Variants in PDSS2 observed in about 807,000 individuals in gnomAD.
The protein encoded by PDSS2 is all trans-polyprenyl-diphosphate synthase PDSS2.
In PDSS2, 31 loss-of-function variants were observed where a neutral mutation model predicts 44.5. That is an observed-to-expected ratio of 0.70 (90% confidence interval 0.52 to 0.94). The LOEUF (loss-of-function observed/expected upper bound fraction) is 0.94. Among genes scored for constraint, PDSS2 ranks in the 40% least tolerant of loss-of-function variants. The probability of loss-of-function intolerance (pLI) is 0.00; values close to 1 mark genes in which losing one functional copy is unlikely to be tolerated. For missense variants in PDSS2, 452 were observed against 482.2 expected, an observed-to-expected ratio of 0.94 and a Z score of 0.59; for synonymous variants, 157 against 180.3, an observed-to-expected ratio of 0.87 and a Z score of 1.03.
intron 3 of PDSS2, among the ~76,000 whole-genome samples, chr6:107,259,629 C>T (rs560741377): frequency 9.3e-4 from 140 of 151,214 alleles, no homozygotes; most frequent in Non-Finnish European, 1.6e-3. Context: ...GAGCTGAGAT[C>T]GCACCACTGC....
chr6:107,207,825 G>A (rs1452316433), intron 6 of PDSS2, among the ~76,000 whole-genome samples: 1 of 151,398 alleles, frequency 6.6e-6, no homozygotes, highest in Non-Finnish European at 1.5e-5. Flanking sequence ...GGCCAGGCTG[G>A]TCTCAAACTC....
At chr6:107,246,838 A>G (rs897655274) in intron 3 of PDSS2, among the ~76,000 whole-genome samples, 2 of 152,206 alleles carry the variant, frequency 1.3e-5, no homozygotes, top group Non-Finnish European at 2.9e-5. Flanking sequence ...GGATGGTTTA[A>G]TTTGTAAGAC....
intron 1 of PDSS2, among the ~76,000 whole-genome samples, chr6:107,445,295 G>A (rs1201752378): frequency 6.6e-6 from 1 of 152,064 alleles, no homozygotes; most frequent in African/African-American, 2.4e-5. Context: ...GTTGATGCAT[G>A]TTGTTACCTT....
Position 107,268,154 on chromosome 6 carries a change from T to G in PDSS2, c.630+5875A>C, listed in dbSNP as rs566706696. ...ATCCATGATGACCTACAATAAAAAT[T>G]ACATTTTCTAGCTTCCCTTACAGCT... On this transcript the variant is annotated intron_variant, in intron 3 of 7. Transcript: ENST00000369037. Among the ~76,000 whole-genome samples the G allele has an allele frequency of 7.9e-4, 120 of 152,246 alleles. 1 individual carries two copies. In the Middle Eastern group the frequency reaches 0.014, roughly 17 times the overall value.
At chr6:107,216,527 AAACGCGCAAAACTG>A (rs1441871105) in intron 4 of PDSS2, among the ~76,000 whole-genome samples, 85 of 152,276 alleles carry the variant, frequency 5.6e-4, no homozygotes, top group South Asian at 2.7e-3. Flanking sequence ...ATAAGCTTAG[AAACGCGCAAAACTG>A]AATGCGCAAA....
chr6:107,262,265 G>A (rs1027672725), intron 3 of PDSS2, among the ~76,000 whole-genome samples: 14 of 152,000 alleles, frequency 9.2e-5, no homozygotes, highest in Non-Finnish European at 1.3e-4. Context: ...TTCACAACTC[G>A]GTTAATTTCA....
chr6:107,351,243 T>A (rs1410729143), intron 1 of PDSS2, among the ~76,000 whole-genome samples: 2 of 152,216 alleles, frequency 1.3e-5, no homozygotes, highest in East Asian at 3.8e-4. Flanking sequence ...GATATTTGTA[T>A]GCCCAAATGT....
At chr6:107,269,804 T>C (rs1470199427) in intron 3 of PDSS2, among the ~76,000 whole-genome samples, 1 of 152,036 alleles carries the variant, frequency 6.6e-6, no homozygotes, top group Admixed American at 6.5e-5. Context: ...GTAGCTGGAA[T>C]CACAGGCATG....
intron 1 of PDSS2, among the ~76,000 whole-genome samples, chr6:107,368,881 A>C (rs1055267049): frequency 5.9e-5 from 9 of 152,344 alleles, no homozygotes; most frequent in Non-Finnish European, 1.3e-4. Flanking sequence ...TTGAAAACAA[A>C]GAACAAAATT....
At chr6:107,164,425 T>C (rs1477523372) in intron 7 of PDSS2, among the ~76,000 whole-genome samples, 1 of 152,192 alleles carries the variant, frequency 6.6e-6, no homozygotes, top group East Asian at 1.9e-4. Context: ...TGTTTGGTTT[T>C]TCATCCTTGT....
intron 7 of PDSS2, among the ~76,000 whole-genome samples, chr6:107,163,441 G>A (rs1349559051): frequency 2.0e-5 from 3 of 152,016 alleles, no homozygotes; most frequent in Admixed American, 6.6e-5. Flanking sequence ...CTTCATGAAA[G>A]GTATTATTCC....
chr6:107,447,726 T>C (rs1241317370), intron 1 of PDSS2, among the ~76,000 whole-genome samples: 1 of 152,200 alleles, frequency 6.6e-6, no homozygotes, highest in Non-Finnish European at 1.5e-5. Context: ...GTCTGAAGGA[T>C]GTTTGCTCTC....
chr6:107,190,978 G>A (rs561324748), intron 7 of PDSS2, among the ~76,000 whole-genome samples: 1 of 152,138 alleles, frequency 6.6e-6, no homozygotes, highest in East Asian at 1.9e-4. Context: ...TGCAAGCTCC[G>A]CCTCCTGGGT....
At chr6:107,455,466 G>A (rs908395314) in intron 1 of PDSS2, among the ~76,000 whole-genome samples, 1 of 151,656 alleles carries the variant, frequency 6.6e-6, no homozygotes, top group Non-Finnish European at 1.5e-5. Context: ...CAAAAACTAA[G>A]AAATCTGGGC....
At chr6:107,215,331 G>T (rs1773375454) in intron 4 of PDSS2, among the ~76,000 whole-genome samples, 2 of 152,122 alleles carry the variant, frequency 1.3e-5, no homozygotes, top group South Asian at 2.1e-4. Flanking sequence ...GTTCAAGGCT[G>T]CAGTGGGCCA....
At chr6:107,208,504 C>T (rs1414487709) in intron 6 of PDSS2, among the ~76,000 whole-genome samples, 2 of 150,792 alleles carry the variant, frequency 1.3e-5, no homozygotes, top group African/African-American at 2.4e-5. Flanking sequence ...ACCATGTTGG[C>T]CAGGCTGGTC....
intron 2 of PDSS2, among the ~76,000 whole-genome samples, chr6:107,288,269 C>T (rs919324045): frequency 4.6e-5 from 7 of 152,154 alleles, no homozygotes; most frequent in African/African-American, 9.7e-5. Flanking sequence ...GAATGTGGTA[C>T]GGCCAAATCT....
intron 2 of PDSS2, among the ~76,000 whole-genome samples, chr6:107,319,440 G>A (rs914113583): frequency 8.5e-5 from 13 of 152,162 alleles, no homozygotes; most frequent in African/African-American, 3.1e-4. Flanking sequence ...GGGGTGTTCT[G>A]ATTGACTATA....
At chr6:107,257,094 C>T (rs1350174102) in intron 3 of PDSS2, among the ~76,000 whole-genome samples, 3 of 150,264 alleles carry the variant, frequency 2.0e-5, no homozygotes, top group Admixed American at 6.6e-5. Flanking sequence ...GCAGGAGAAT[C>T]TCTAGAACCT....
Sources: allele counts gnomAD v4.1 joint callset (sites outside exome capture counted in the v4.1 genomes callset), GRCh38; gene constraint gnomAD v4.1.1; transcripts MANE v1.5; gene names NCBI Gene and HGNC (gene_info 2026-07-23, HGNC 2026-07-21).